CRB1: variants seen among roughly 807,000 people sequenced by gnomAD.
CRB1 encodes the protein crumbs cell polarity complex component 1, also known as protein crumbs homolog 1.
Under a neutral mutation model 120.0 loss-of-function variants are expected in CRB1, and 83 were observed. That is an observed-to-expected ratio of 0.69 (90% confidence interval 0.58 to 0.83). CRB1 has a LOEUF of 0.83. Among genes scored for constraint, CRB1 ranks in the 40% least tolerant of loss-of-function variants. The pLI is 0.00. For missense variants in CRB1, 1,699 were observed against 1,687.6 expected (o/e 1.01, Z -0.12); for synonymous variants, 625 against 612.5 (o/e 1.02, Z -0.30).
intron 5 of CRB1, among the ~76,000 whole-genome samples, chr1:197,365,417 G>C (rs914464715): frequency 1.3e-5 from 2 of 152,012 alleles, no homozygotes; most frequent in African/African-American, 4.8e-5. Flanking sequence ...AACTGCTAAG[G>C]AAGGAAAACA....
chr1:197,348,881 A>T (rs534809828), intron 4 of CRB1, among the ~76,000 whole-genome samples: 1 of 147,738 alleles, frequency 6.8e-6, no homozygotes, highest in Non-Finnish European at 1.5e-5. Flanking sequence ...AAAGTAAAAA[A>T]GTTCTAGTAC....
intron 5 of CRB1, among the ~76,000 whole-genome samples, chr1:197,400,084 GC>G (rs144479846): frequency 0.033 from 4,987 of 152,188 alleles, 134 homozygotes; most frequent in Non-Finnish European, 0.047. Flanking sequence ...ATAGAACTCT[GC>G]CTACTACATG....
At chr1:197,223,021 C>G in the CRB1 span, 2 of 789,530 alleles carry the variant, frequency 2.5e-6, no homozygotes, top group Non-Finnish European at 2.3e-6. Flanking sequence ...CATTTGACAC[C>G]TCCCTTATGA....
At chr1:197,467,813 T>G (rs1046418643) in intron 11 of CRB1, among the ~76,000 whole-genome samples, 2 of 152,214 alleles carry the variant, frequency 1.3e-5, no homozygotes, top group Non-Finnish European at 2.9e-5. Flanking sequence ...ATAATGAAGC[T>G]ACTATGTTGA....
chr1:197,344,246 T>C, intron 2 of CRB1, 35 bp from the exon 3 acceptor site: 1 of 1,604,916 alleles, frequency 6.2e-7, no homozygotes, highest in South Asian at 1.1e-5. Flanking sequence ...TTGCTAAAAC[T>C]TTTTCTGTTT....
At chr1:197,453,539 T>TATAGAGAGAGAG in intron 11 of CRB1, among the ~76,000 whole-genome samples, 1 of 58,506 alleles carries the variant, frequency 1.7e-5, no homozygotes, top group African/African-American at 4.1e-5. Context: ...TATATATATA[T>TATAGAGAGAGAG]AGAGAGAGAG....
intron 11 of CRB1, among the ~76,000 whole-genome samples, chr1:197,455,045 G>A (rs1018998285): frequency 3.3e-5 from 5 of 152,094 alleles, no homozygotes; most frequent in Non-Finnish European, 7.4e-5. Flanking sequence ...TGACAAGGTT[G>A]GCCATATTAT....
chr1:197,219,970 T>G, the CRB1 span, among the ~76,000 whole-genome samples: 1 of 152,234 alleles, frequency 6.6e-6, no homozygotes, highest in African/African-American at 2.4e-5. Flanking sequence ...CTTCTCTGAC[T>G]AGGATAATGA....
chr1:197,245,967 G>A, the CRB1 span, among the ~76,000 whole-genome samples: 2 of 152,086 alleles, frequency 1.3e-5, no homozygotes, highest in South Asian at 2.1e-4. Flanking sequence ...GACGTTGGTT[G>A]GGGGCAAAAG....
At chr1:197,380,664 A>G (rs937481780) in intron 5 of CRB1, among the ~76,000 whole-genome samples, 2 of 152,204 alleles carry the variant, frequency 1.3e-5, no homozygotes, top group African/African-American at 2.4e-5. Context: ...AACTTCAATC[A>G]TAGTTAAATT....
At chr1:197,255,506 G>T in the CRB1 span, among the ~76,000 whole-genome samples, 1 of 151,990 alleles carries the variant, frequency 6.6e-6, no homozygotes, top group East Asian at 1.9e-4. Flanking sequence ...TATTTATCAA[G>T]TCAGCACCTT....
chr1:197,397,490 T>C (rs1046135783), intron 5 of CRB1, among the ~76,000 whole-genome samples: 2 of 152,112 alleles, frequency 1.3e-5, no homozygotes, highest in Non-Finnish European at 2.9e-5. Flanking sequence ...GAAAACATAC[T>C]TCTACCCAAA....
In CRB1 at chr1:197,328,965, T is replaced by C. The variant is rs62645749; in HGVS notation, c.614T>C (p.Ile205Thr). 4.9e-4 allele frequency: 798 copies of C among 1,613,878 alleles called. 1 individual carries two copies. The highest frequency in any genetic ancestry group is 3.0e-3 in the Middle Eastern group (18 of 6,062). Residue 205 changes from isoleucine to threonine, a missense_variant, in exon 2 of 12, where the codon ATA (isoleucine) becomes ACA (threonine). By Grantham distance (89) the Ile-to-Thr change is moderately conservative. Coordinates refer to ENST00000367400, the MANE Select transcript of CRB1 (RefSeq NM_201253.3). ...CKNEATCLNE[I>T]GRYTCICPHN... The stretch of plus-strand genomic sequence containing the variant: ...AACGAGGCTACATGCCTCAATGAAA[T>C]AGGAAGATATACTTGTATCTGTCCC...
intron 1 of CRB1, among the ~76,000 whole-genome samples, chr1:197,271,949 A>G (rs961012894): frequency 3.9e-5 from 6 of 152,158 alleles, no homozygotes; most frequent in African/African-American, 1.2e-4. Context: ...TGACAAAACT[A>G]CTTTAGAGTT....
chr1:197,237,055 C>A, the CRB1 span, among the ~76,000 whole-genome samples: 2 of 151,536 alleles, frequency 1.3e-5, no homozygotes, highest in African/African-American at 2.4e-5. Flanking sequence ...TGCAAATATT[C>A]TCTTTGCTTC....
chr1:197,430,247 T>C (rs1432213527), intron 8 of CRB1, among the ~76,000 whole-genome samples: 2 of 152,212 alleles, frequency 1.3e-5, no homozygotes, highest in Admixed American at 6.5e-5. Flanking sequence ...CTAACTATAC[T>C]GTTATTTATA....
At chr1:197,288,991 G>C (rs1656004636) in intron 1 of CRB1, among the ~76,000 whole-genome samples, 1 of 149,062 alleles carries the variant, frequency 6.7e-6, no homozygotes, top group African/African-American at 2.5e-5. Context: ...AAAAAAACTT[G>C]AATTTCCAGC....
chr1:197,439,859 A>G (rs1665347891), intron 10 of CRB1: 1 of 152,150 alleles, frequency 6.6e-6, no homozygotes, highest in African/African-American at 2.4e-5. Context: ...TGCATCACAA[A>G]GACACAGGTC....
chr1:197,449,359 ATTATT>A (rs1055210812), intron 11 of CRB1, among the ~76,000 whole-genome samples: 1 of 151,892 alleles, frequency 6.6e-6, no homozygotes, highest in African/African-American at 2.4e-5. Flanking sequence ...AAATATTATT[ATTATT>A]TTATTTTATT....
Sources: allele counts gnomAD v4.1 joint callset (sites outside exome capture counted in the v4.1 genomes callset), GRCh38; gene constraint gnomAD v4.1.1; transcripts MANE v1.5; gene names NCBI Gene and HGNC (gene_info 2026-07-23, HGNC 2026-07-21).